RERE: variants seen among roughly 807,000 people sequenced by gnomAD.
The protein encoded by RERE is arginine-glutamic acid dipeptide repeats.
In RERE, 40 loss-of-function variants were observed where a neutral mutation model predicts 146.1. The observed-to-expected ratio is 0.27, with a 90% confidence interval of 0.21 to 0.36. RERE has a LOEUF of 0.36. Ranked by LOEUF, RERE falls within the 10% of genes least tolerant of loss-of-function variation. The probability of loss-of-function intolerance (pLI) is 1.00; values close to 1 mark genes in which losing one functional copy is unlikely to be tolerated. For synonymous variants in RERE, 1,003 were observed against 866.0 expected (o/e 1.16, Z -2.78); for missense variants, 1,933 against 2,138.7 (o/e 0.90, Z 1.90).
intron 1 of RERE, among the ~76,000 whole-genome samples, chr1:8,673,188 C>A (rs1638760112): frequency 6.6e-6 from 1 of 152,170 alleles, no homozygotes; most frequent in Admixed American, 6.5e-5. Flanking sequence ...CTCCACCTCC[C>A]AGGTTAAAGC....
Position 8,745,093 on chromosome 1 carries a change from T to C in RERE, c.-145+72067A>G, listed in dbSNP as rs1455337898. On this transcript the variant is annotated intron_variant, in intron 1 of 22. Transcript: ENST00000400908. ...TGGCTGTATCCTCACCCAAATCTCATCTTGAATTGTAATCCTCATAATCCC... is the reference window on the plus strand; with the variant it reads ...TGGCTGTATCCTCACCCAAATCTCACCTTGAATTGTAATCCTCATAATCCC... Among the ~76,000 whole-genome samples the C allele has an allele frequency of 4.6e-5, 7 of 152,160 alleles. No homozygotes were observed. In the East Asian group the frequency reaches 1.3e-3, roughly 29 times the overall value.
chr1:8,560,628 A>G (rs1371281391), intron 4 of RERE, among the ~76,000 whole-genome samples: 1 of 152,166 alleles, frequency 6.6e-6, no homozygotes, highest in Non-Finnish European at 1.5e-5. Flanking sequence ...TCTACCTAAA[A>G]TAATTACTGA....
chr1:8,356,066 G>A lies in RERE; in HGVS notation c.4486+34C>T, dbSNP rs748997201. On this transcript the variant is annotated intron_variant, in intron 21 of 22. Transcript: ENST00000400908. The surrounding 1 kb of genome is among the most constrained non-coding windows in gnomAD (Gnocchi z 5.2). ...CCAGACCCCAACCCAACCCTCACAC[G>A]GCCTCCCCGCCCCTCCTGGAGGGGA... is the stretch of plus-strand genomic sequence containing the variant. 13 of 1,461,792 alleles carry A rather than the reference G, an allele frequency of 8.9e-6. No individual in the cohort carries two copies. Among genetic ancestry groups the A allele is most frequent in the African/African-American group, 7.4e-5 (5 of 67,520 alleles). The allele number at this position is 1,461,792 out of a possible 1,614,324, so 90.6% of individuals were successfully genotyped here. A position where few individuals can be genotyped will look rare whatever the true frequency, so the allele number is the denominator to read the frequency against.
intron 10 of RERE, among the ~76,000 whole-genome samples, chr1:8,471,684 T>C (rs2124149656): frequency 6.6e-6 from 1 of 152,070 alleles, no homozygotes; most frequent in East Asian, 1.9e-4. Context: ...GGCTAATTTT[T>C]TTTATTTTTT....
intron 3 of RERE, among the ~76,000 whole-genome samples, chr1:8,617,606 T>A (rs1646869161): frequency 6.6e-6 from 1 of 152,062 alleles, no homozygotes; most frequent in Non-Finnish European, 1.5e-5. Context: ...TAGAAAGAAA[T>A]ACTCAATTTT....
intron 1 of RERE, among the ~76,000 whole-genome samples, chr1:8,722,484 G>A (rs1419973553): frequency 6.6e-6 from 1 of 152,128 alleles, no homozygotes; most frequent in Non-Finnish European, 1.5e-5. Context: ...TTATAAGTGA[G>A]CAAACCAAGA....
intron 12 of RERE, among the ~76,000 whole-genome samples, chr1:8,405,097 C>A (rs1283787833): frequency 6.6e-6 from 1 of 152,098 alleles, no homozygotes; most frequent in Non-Finnish European, 1.5e-5. Context: ...AAGGAGACTG[C>A]AGGCTAAGTT....
intron 4 of RERE, among the ~76,000 whole-genome samples, chr1:8,563,291 A>C (rs757051363): frequency 1.3e-5 from 2 of 152,218 alleles, no homozygotes; most frequent in Non-Finnish European, 2.9e-5. Context: ...AAAAATAGTA[A>C]TAATAATCGA....
intron 1 of RERE, chr1:8,750,924 T>C (rs973253171): frequency 3.5e-5 from 28 of 797,384 alleles, no homozygotes; most frequent in South Asian, 2.3e-4. Context: ...AATAAGCAAA[T>C]TGCTTTGACA....
intron 1 of RERE, among the ~76,000 whole-genome samples, chr1:8,750,047 G>A (rs1640498953): frequency 6.6e-6 from 1 of 151,132 alleles, no homozygotes; most frequent in Non-Finnish European, 1.5e-5. Context: ...AGCTACCCGG[G>A]AGGCTAAGAC....
chr1:8,358,018 G>C (rs1029455234), intron 20 of RERE, among the ~76,000 whole-genome samples, 178 bp downstream of exon 20: 2 of 152,280 alleles, frequency 1.3e-5, no homozygotes, highest in Admixed American at 6.5e-5. Flanking sequence ...GGGCCGAGGA[G>C]AGACTGCGAT....
At chr1:8,544,734 G>T (rs894967592) in intron 6 of RERE, among the ~76,000 whole-genome samples, 3 of 152,246 alleles carry the variant, frequency 2.0e-5, no homozygotes, top group Non-Finnish European at 4.4e-5. Flanking sequence ...AATCTACATT[G>T]TACTGTATAT....
intron 12 of RERE, among the ~76,000 whole-genome samples, chr1:8,400,310 G>C (rs1319670686): frequency 6.6e-6 from 1 of 151,582 alleles, no homozygotes; most frequent in African/African-American, 2.4e-5. Flanking sequence ...CTGGAGTGCA[G>C]AGGTATGATC....
chr1:8,388,116 A>G (rs954103099), intron 12 of RERE, among the ~76,000 whole-genome samples: 1 of 152,246 alleles, frequency 6.6e-6, no homozygotes, highest in Non-Finnish European at 1.5e-5. Context: ...GAAAACAGCA[A>G]GGTGCAGGAC....
intron 19 of RERE, 116 bp from the exon 20 acceptor site, chr1:8,359,032 G>A: frequency 1.5e-6 from 2 of 1,304,988 alleles, no homozygotes; most frequent in Non-Finnish European, 2.0e-6. Context: ...GGCCAACCTG[G>A]TCCCTCCACG....
chr1:8,361,815 G>A lies in RERE; in HGVS notation c.1964C>T (p.Ala655Val), dbSNP rs149900041. The A allele has an allele frequency of 4.0e-4, 644 of 1,614,102 alleles. No homozygotes were observed. The highest frequency in any genetic ancestry group is 6.6e-4 in the Middle Eastern group (4 of 6,054). The change falls in exon 17 of 23, where the codon GCC becomes GTC. Residue 655 changes from alanine to valine, a missense_variant. Transcript: ENST00000400908. The part of the protein sequence containing the change: ...KSNKRQREKV[A>V]SDTEEADRTS... ...CCTGTCAGCCTCCTCCGTATCAGAG[G>A]CCACCTTCTCCCGCTGGCGTTTGTT...
chr1:8,508,569 G>T, intron 8 of RERE, 58 bp downstream of exon 8: 1 of 1,241,114 alleles, frequency 8.1e-7, no homozygotes, highest in Non-Finnish European at 1.2e-6. Context: ...AGAATAAAGT[G>T]CCAGCAGAGT....
rs756053438 is a variant in RERE, at chr1:8,362,847, G to C, written c.1741-3C>G. ...CGACCACTGCGTAGTGTCGACATCTGCCCACCCAAACCGAAGACTGGTGAC... is the reference window on the plus strand; with the variant it reads ...CGACCACTGCGTAGTGTCGACATCTCCCCACCCAAACCGAAGACTGGTGAC... On this transcript the variant is annotated splice_polypyrimidine_tract_variant and splice_region_variant and intron_variant, in intron 15 of 22. Transcript: ENST00000400908. 21 of 1,608,322 alleles carry C rather than the reference G, an allele frequency of 1.3e-5. No homozygotes were observed. Among genetic ancestry groups the C allele is most frequent in the Non-Finnish European group, 1.6e-5 (19 of 1,176,776 alleles).
At chr1:8,775,995 C>T (rs1641056590) in intron 1 of RERE, among the ~76,000 whole-genome samples, 1 of 152,152 alleles carries the variant, frequency 6.6e-6, no homozygotes, top group Admixed American at 6.5e-5. Context: ...TGCCACACTG[C>T]CTCTCAAACC....
Sources: allele counts gnomAD v4.1 joint callset (sites outside exome capture counted in the v4.1 genomes callset), GRCh38; gene constraint gnomAD v4.1.1; non-coding constraint Gnocchi (gnomAD v3.1); transcripts MANE v1.5; gene names NCBI Gene and HGNC (gene_info 2026-07-23, HGNC 2026-07-21).